Variants in LMO7 observed in about 807,000 individuals in gnomAD.
LMO7 encodes the protein LIM domain only protein 7.
In LMO7, 120 loss-of-function variants were observed where a neutral mutation model predicts 206.5. The observed-to-expected ratio is 0.58, with a 90% CI of 0.50 to 0.68. The LOEUF (loss-of-function observed/expected upper bound fraction) is 0.68. Ranked by LOEUF, LMO7 falls within the 30% of genes least tolerant of loss-of-function variation. LMO7 has a pLI of 0.00. For synonymous variants in LMO7, 706 were observed against 681.5 expected, an observed-to-expected ratio of 1.04 and a Z score of -0.56; for missense variants, 1,959 against 1,957.9, an observed-to-expected ratio of 1.00 and a Z score of -0.01.
intron 4 of LMO7, among the ~76,000 whole-genome samples, chr13:75,771,445 C>G (rs2049652028): frequency 1.2e-5 from 1 of 80,270 alleles, no homozygotes; most frequent in African/African-American, 5.4e-5. Flanking sequence ...TTGTTAAGTG[C>G]TGAGGATTGT....
At chr13:75,747,854 C>T (rs147248447) in intron 3 of LMO7, among the ~76,000 whole-genome samples, 7 of 152,262 alleles carry the variant, frequency 4.6e-5, no homozygotes, top group African/African-American at 1.7e-4. Context: ...CAGGTGGGCT[C>T]TGTGTAATCC....
chr13:75,752,276 G>A (rs924228268), intron 3 of LMO7, among the ~76,000 whole-genome samples: 5 of 151,206 alleles, frequency 3.3e-5, no homozygotes, highest in Non-Finnish European at 7.4e-5. Flanking sequence ...AATTACAGGC[G>A]CCCGCCACTA....
intron 1 of LMO7, among the ~76,000 whole-genome samples, chr13:75,702,405 G>C (rs1693161319): frequency 6.6e-6 from 1 of 152,162 alleles, no homozygotes; most frequent in South Asian, 2.1e-4. Flanking sequence ...TGAGACTTTT[G>C]GGTTCCATCT....
chr13:75,783,055 G>T (rs1210727206), intron 4 of LMO7, among the ~76,000 whole-genome samples: 1 of 152,140 alleles, frequency 6.6e-6, no homozygotes, highest in African/African-American at 2.4e-5. Context: ...TAGGAACAAA[G>T]AATTCAAAAT....
chr13:75,842,734 C>A, intron 24 of LMO7, 117 bp from the exon 25 acceptor site: 1 of 646,888 alleles, frequency 1.5e-6, no homozygotes. Context: ...AGTTTTTAAC[C>A]CAAAGACCAT....
chr13:75,839,393 A>T (rs552203361), intron 20 of LMO7, among the ~76,000 whole-genome samples: 4 of 152,336 alleles, frequency 2.6e-5, no homozygotes, highest in African/African-American at 9.6e-5. Flanking sequence ...TGAGGTTTCA[A>T]GAACATTTAA....
In LMO7 at chr13:75,824,902, TTTA is replaced by T. The variant is rs1281884205; in HGVS notation, c.2949+1038_2949+1040del. 7.9e-5 allele frequency among the ~76,000 whole-genome samples: 12 copies of T among 152,250 alleles called. No homozygotes were observed. The East Asian group carries it at 1.9e-3, about 24-fold the overall frequency. On this transcript the variant is annotated intron_variant, in intron 15 of 30. Transcript: ENST00000377534. ...ATGTGAAATAATTTGGCATTGCATATTTATTATTATTGAGTTTTTATTTGTATG... is the reference window on the plus strand; with the variant it reads ...ATGTGAAATAATTTGGCATTGCATATTTATTATTGAGTTTTTATTTGTATG...
rs566951171 is a variant in LMO7, at chr13:75,844,650, C to A, written c.4098-677C>A. Among the ~76,000 whole-genome samples, 330 of 152,192 alleles carry A rather than the reference C, an allele frequency of 2.2e-3. 1 individual carries two copies. Among genetic ancestry groups the A allele is most frequent in the Non-Finnish European group, 4.0e-3 (274 of 67,986 alleles). ...CTTCAAACTCCTGACCTCAAGTGATCCTCCCGCCTCAGCCTCCCAAAGTGC... is the reference window on the plus strand; with the variant it reads ...CTTCAAACTCCTGACCTCAAGTGATACTCCCGCCTCAGCCTCCCAAAGTGC... On this transcript the variant is annotated intron_variant, in intron 25 of 30. Coordinates refer to ENST00000377534, the MANE Select transcript of LMO7 (RefSeq NM_001306080.2).
At chr13:75,697,152 A>C (rs1807026052) in intron 1 of LMO7, among the ~76,000 whole-genome samples, 2 of 152,140 alleles carry the variant, frequency 1.3e-5, no homozygotes, top group South Asian at 4.1e-4. Context: ...AGAGAGAGCT[A>C]GCCACACTCT....
chr13:75,640,789 C>T (rs565179475), intron 1 of LMO7, among the ~76,000 whole-genome samples: 1 of 152,274 alleles, frequency 6.6e-6, no homozygotes, highest in Non-Finnish European at 1.5e-5. Context: ...CAGAAACTTG[C>T]TTCAGTGTCT....
In LMO7 at chr13:75,821,602, C is replaced by A. The variant is rs1166693889; in HGVS notation, c.2633C>A (p.Ser878Tyr). Residue 878 changes from serine (S) to tyrosine (Y), a missense_variant, in exon 14 of 31, where the codon TCT (serine) becomes TAT (tyrosine). By Grantham distance (144) the Ser-to-Tyr change is moderately radical. Transcript: ENST00000377534. ...AGGGGAATCTCATCACTCCCCAGAT[C>A]TTACACGGTAAAAAATGTTCTCGGT... ...QTRGISSLPR[S>Y]YTMDDAWKYN... 1 of 1,608,452 alleles carries A rather than the reference C, an allele frequency of 6.2e-7. No individual in the cohort carries two copies.
intron 19 of LMO7, 90 bp downstream of exon 19, chr13:75,836,547 G>C: frequency 1.4e-6 from 1 of 697,822 alleles, no homozygotes; most frequent in South Asian, 2.0e-5. Context: ...ATCTGTGAGT[G>C]AAAGAAAAAG....
intron 27 of LMO7, among the ~76,000 whole-genome samples, chr13:75,851,362 A>T (rs2060494316): frequency 6.6e-6 from 1 of 152,230 alleles, no homozygotes; most frequent in African/African-American, 2.4e-5. Flanking sequence ...CTATACTTAC[A>T]TATGTAAATT....
chr13:75,673,156 T>A (rs953603618), intron 1 of LMO7, among the ~76,000 whole-genome samples: 1 of 152,254 alleles, frequency 6.6e-6, no homozygotes, highest in Non-Finnish European at 1.5e-5. Flanking sequence ...GGGTCTATTT[T>A]AACTGTTGAG....
At position 75,638,535 on chromosome 13, in the gene LMO7, C is replaced by T. The variant is rs147399639; in HGVS notation, c.69+1809C>T. Among the ~76,000 whole-genome samples the T allele has an allele frequency of 2.0e-3, 300 of 152,238 alleles. 1 individual carries two copies. Among genetic ancestry groups the T allele is most frequent in the African/African-American group, 7.0e-3 (290 of 41,540 alleles). On this transcript the variant is annotated intron_variant, in intron 1 of 30. Coordinates refer to ENST00000377534, the MANE Select transcript of LMO7 (RefSeq NM_001306080.2). ...AGAGAGCTGGATCTTCCTAAAGGTACTGTCATATCCTTTTAATATAGTTAA... is the reference window on the plus strand; with the variant it reads ...AGAGAGCTGGATCTTCCTAAAGGTATTGTCATATCCTTTTAATATAGTTAA...
At chr13:75,694,984 C>T (rs1356082286) in intron 1 of LMO7, among the ~76,000 whole-genome samples, 3 of 152,102 alleles carry the variant, frequency 2.0e-5, no homozygotes, top group Non-Finnish European at 4.4e-5. Flanking sequence ...GAGGAGCCTC[C>T]GGATTAACCC....
chr13:75,628,682 C>A (rs1482357675), intron 2 of LMO7: 4 of 152,014 alleles, frequency 2.6e-5, no homozygotes, highest in Non-Finnish European at 5.9e-5. Flanking sequence ...GAATCATAAC[C>A]AATCAAAGTA....
At chr13:75,693,761 CGA>C (rs1186930973) in intron 1 of LMO7, among the ~76,000 whole-genome samples, 2 of 152,086 alleles carry the variant, frequency 1.3e-5, no homozygotes, top group East Asian at 3.9e-4. Flanking sequence ...TGCATGTGGC[CGA>C]GGAGCATGGG....
intron 11 of LMO7, among the ~76,000 whole-genome samples, chr13:75,810,991 G>A (rs1322698424): frequency 6.6e-6 from 1 of 152,116 alleles, no homozygotes; most frequent in African/African-American, 2.4e-5. Flanking sequence ...TCAATGCCAA[G>A]GTAACTACAC....
Sources: allele counts gnomAD v4.1 joint callset (sites outside exome capture counted in the v4.1 genomes callset), GRCh38; gene constraint gnomAD v4.1.1; transcripts MANE v1.5; gene names NCBI Gene and HGNC (gene_info 2026-07-23, HGNC 2026-07-21).